The following DLG2 variants were observed in gnomAD, a reference collection of about 807,000 sequenced individuals.
DLG2 encodes disks large homolog 2.
DLG2 carries 45 observed loss-of-function variants against 132.5 expected under a neutral mutation model. That is an observed-to-expected ratio of 0.34 (90% CI 0.27 to 0.44). The LOEUF is 0.44. Ranked by LOEUF, DLG2 falls within the 20% of genes least tolerant of loss-of-function variation. The pLI is 1.00. For synonymous variants in DLG2, 424 were observed against 419.6 expected (o/e 1.01, Z -0.13); for missense variants, 1,045 against 1,196.9 (o/e 0.87, Z 1.87).
chr11:85,213,015 T>A (rs2082346591), intron 4 of DLG2, among the ~76,000 whole-genome samples: 1 of 152,166 alleles, frequency 6.6e-6, no homozygotes, highest in South Asian at 2.1e-4. Context: ...AACTCCCTTA[T>A]TTCTTTACTG....
chr11:84,916,891 T>C (rs978505517), intron 6 of DLG2, among the ~76,000 whole-genome samples: 7 of 152,194 alleles, frequency 4.6e-5, no homozygotes, highest in Non-Finnish European at 8.8e-5. Flanking sequence ...TTCTGCTACC[T>C]TTTCCAACAT....
At chr11:84,559,202 T>C (rs1592338777) in intron 6 of DLG2, among the ~76,000 whole-genome samples, 1 of 152,134 alleles carries the variant, frequency 6.6e-6, no homozygotes, top group African/African-American at 2.4e-5. Flanking sequence ...AGTGCTTATA[T>C]TGCCTGAACT....
At chr11:83,751,784 T>C (rs1314343540) in intron 18 of DLG2, among the ~76,000 whole-genome samples, 7 of 152,208 alleles carry the variant, frequency 4.6e-5, no homozygotes, top group African/African-American at 1.7e-4. Context: ...ATTTTGGACA[T>C]GCTATGTTTA....
chr11:85,022,509 A>T (rs563619202), intron 6 of DLG2, among the ~76,000 whole-genome samples: 4 of 152,134 alleles, frequency 2.6e-5, no homozygotes, highest in Non-Finnish European at 5.9e-5. Context: ...ATAAAACATA[A>T]GGAGGATACT....
At position 85,559,566 on chromosome 11, in the gene DLG2, A is replaced by T. The variant is rs866630961; in HGVS notation, c.40+39091T>A. On this transcript the variant is annotated intron_variant, in intron 3 of 27. Coordinates refer to ENST00000376104, the MANE Select transcript of DLG2 (RefSeq NM_001142699.3). ...CTATTCTTAAATAATTAAATATATT[A>T]AAAATTTGTAAATATTAATATCTAA... 2.5e-4 allele frequency among the ~76,000 whole-genome samples: 38 copies of T among 151,562 alleles called. 1 individual carries two copies. Among genetic ancestry groups the T allele is most frequent in the Non-Finnish European group, 4.6e-4 (31 of 67,816 alleles).
chr11:83,932,348 CCCCAGCCT>C (rs959565838), intron 14 of DLG2, among the ~76,000 whole-genome samples: 2 of 151,996 alleles, frequency 1.3e-5, no homozygotes, highest in African/African-American at 4.8e-5. Context: ...CATTCTCCTG[CCCCAGCCT>C]CCCGAGAAGC....
chr11:85,608,755 C>T (rs2080775610), intron 2 of DLG2, among the ~76,000 whole-genome samples: 1 of 152,162 alleles, frequency 6.6e-6, no homozygotes, highest in Non-Finnish European at 1.5e-5. Flanking sequence ...TGATTTAAAG[C>T]AGATCAAGGC....
At chr11:83,896,385 A>C (rs569827666) in intron 15 of DLG2, among the ~76,000 whole-genome samples, 9 of 152,244 alleles carry the variant, frequency 5.9e-5, no homozygotes, top group Non-Finnish European at 1.3e-4. Context: ...CAAGGCTGAA[A>C]GCCATCAACG....
chr11:84,545,075 C>G (rs1384501826), intron 6 of DLG2: 1 of 453,742 alleles, frequency 2.2e-6, no homozygotes, highest in African/African-American at 2.0e-5. Context: ...CTGTTGTAAC[C>G]TGTAGCTTCC....
intron 6 of DLG2, among the ~76,000 whole-genome samples, chr11:84,556,624 C>T (rs1028498727): frequency 1.3e-5 from 2 of 152,164 alleles, no homozygotes; most frequent in Non-Finnish European, 2.9e-5. Flanking sequence ...CACATGTGAC[C>T]CACAGGCCGC....
At chr11:84,983,986 A>G (rs1204246353) in intron 6 of DLG2, among the ~76,000 whole-genome samples, 2 of 152,208 alleles carry the variant, frequency 1.3e-5, no homozygotes, top group African/African-American at 2.4e-5. Context: ...CAAGAAGTCT[A>G]GGATTATGTT....
chr11:83,903,231 T>C lies in DLG2; in HGVS notation c.1496+27097A>G, dbSNP rs185312554. On this transcript the variant is annotated intron_variant, in intron 15 of 27. Transcript: ENST00000376104. ...TAGTATTCTAACTAATGCTATATAGTAAACTCCCTAATAATTAGACATATA... is the reference window on the plus strand; with the variant it reads ...TAGTATTCTAACTAATGCTATATAGCAAACTCCCTAATAATTAGACATATA... Among the ~76,000 whole-genome samples the C allele has an allele frequency of 8.5e-5, 13 of 152,206 alleles. No individual in the cohort carries two copies. The East Asian group carries it at 1.9e-3, about 23-fold the overall frequency.
chr11:84,003,444 T>TCC (rs2094446053), intron 11 of DLG2, among the ~76,000 whole-genome samples: 1 of 152,106 alleles, frequency 6.6e-6, no homozygotes, highest in African/African-American at 2.4e-5. Flanking sequence ...GACTGAGTGA[T>TCC]TTATAAAGGA....
chr11:83,467,422 C>G (rs1186081562), intron 25 of DLG2, among the ~76,000 whole-genome samples: 1 of 151,996 alleles, frequency 6.6e-6, no homozygotes, highest in East Asian at 1.9e-4. Context: ...GGTACTCAGT[C>G]TAGTGGAGGG....
chr11:83,663,555 G>A lies in DLG2; in HGVS notation c.1826-30230C>T, dbSNP rs1400425150. On this transcript the variant is annotated intron_variant, in intron 18 of 27. Transcript: ENST00000376104. ...TGCAGCGTCATTGCAGATACAATGT[G>A]TGTGTGGCACATAGTAGAAGCTTGC... Among the ~76,000 whole-genome samples, 4 of 152,214 alleles carry A rather than the reference G, an allele frequency of 2.6e-5. No individual in the cohort carries two copies. In the South Asian group the frequency reaches 6.2e-4, roughly 24 times the overall value.
intron 6 of DLG2, among the ~76,000 whole-genome samples, chr11:84,759,272 C>T (rs540986895): frequency 4.8e-4 from 73 of 152,204 alleles, no homozygotes; most frequent in African/African-American, 1.5e-3. Flanking sequence ...ATTGCCTCTG[C>T]CTTTGAGAAG....
intron 3 of DLG2, among the ~76,000 whole-genome samples, chr11:85,401,049 A>G (rs1022351454): frequency 3.9e-5 from 6 of 151,990 alleles, no homozygotes; most frequent in Non-Finnish European, 8.8e-5. Flanking sequence ...AGAGAATTTT[A>G]GGCCAATAAC....
At chr11:84,145,834 C>T (rs529343954) in intron 9 of DLG2, among the ~76,000 whole-genome samples, 120 of 152,218 alleles carry the variant, frequency 7.9e-4, no homozygotes, top group African/African-American at 2.0e-3. Flanking sequence ...CATTTTGTGC[C>T]GATTCATCTA....
intron 2 of DLG2, among the ~76,000 whole-genome samples, chr11:85,615,827 T>G (rs2153275550): frequency 6.6e-6 from 1 of 152,182 alleles, no homozygotes; most frequent in East Asian, 1.9e-4. Flanking sequence ...CTGGACAGGC[T>G]TGTTCCAGAA....
Sources: gnomAD v4.1 joint callset for allele counts (sites outside exome capture counted in the v4.1 genomes callset) on GRCh38, gnomAD v4.1.1 for gene constraint, MANE v1.5 for transcripts, NCBI Gene and HGNC (gene_info 2026-07-23, HGNC 2026-07-21) for gene names.